Variants in AIM2 observed in about 807,000 individuals in gnomAD.
AIM2 encodes the protein interferon-inducible protein AIM2.
Under a neutral mutation model 27.7 loss-of-function variants are expected in AIM2, and 30 were observed. The observed-to-expected ratio is 1.08, with a 90% CI of 0.81 to 1.47. AIM2 has a LOEUF of 1.47. Ranked by LOEUF, AIM2 falls within the 40% of genes most tolerant of loss-of-function variation. AIM2 has a pLI of 0.00. For synonymous variants in AIM2, 141 were observed against 145.3 expected (o/e 0.97, Z 0.21); for missense variants, 358 against 411.3 (o/e 0.87, Z 1.12).
intron 1 of AIM2, among the ~76,000 whole-genome samples, chr1:159,117,233 A>G (rs1332155570): frequency 2.0e-5 from 3 of 152,172 alleles, no homozygotes; most frequent in Non-Finnish European, 4.4e-5. Context: ...ACGAGAGAGA[A>G]AGACACAGAG....
At chr1:159,100,805 C>G (rs1349135434) in intron 1 of AIM2, among the ~76,000 whole-genome samples, 1 of 152,192 alleles carries the variant, frequency 6.6e-6, no homozygotes, top group African/African-American at 2.4e-5. Flanking sequence ...TGTCAGCAGG[C>G]TAGTCATATC....
chr1:159,070,232 G>C (rs1282924196), intron 2 of AIM2, among the ~76,000 whole-genome samples: 1 of 152,134 alleles, frequency 6.6e-6, no homozygotes, highest in Admixed American at 6.5e-5. Context: ...TTTCCCTTTA[G>C]AGTATAAACT....
chr1:159,072,263 C>T (rs1656392929), intron 2 of AIM2, among the ~76,000 whole-genome samples: 1 of 152,154 alleles, frequency 6.6e-6, no homozygotes. Context: ...TAGAAACTAC[C>T]TAACAGTTTA....
At chr1:159,142,450 C>T (rs1648132079), upstream of AIM2, among the ~76,000 whole-genome samples, 1 of 152,034 alleles carries the variant, frequency 6.6e-6, no homozygotes, top group East Asian at 1.9e-4. Flanking sequence ...TGGGTGTGTA[C>T]ACATAGGGTT....
At chr1:159,111,831 C>CATCTATCTATCT (rs55915998) in intron 1 of AIM2, among the ~76,000 whole-genome samples, 36 of 137,664 alleles carry the variant, frequency 2.6e-4, no homozygotes, top group East Asian at 8.5e-4. Context: ...ATCTATCTAT[C>CATCTATCTATCT]ATCTATCTAT....
chr1:159,100,886 C>T (rs1384162107), intron 1 of AIM2, among the ~76,000 whole-genome samples: 2 of 152,156 alleles, frequency 1.3e-5, no homozygotes, highest in Non-Finnish European at 2.9e-5. Context: ...ATCTAAAGGG[C>T]ACTGAGGATG....
intron 3 of AIM2, among the ~76,000 whole-genome samples, chr1:159,067,672 C>A (rs1391668223): frequency 6.6e-6 from 1 of 152,174 alleles, no homozygotes; most frequent in African/African-American, 2.4e-5. Flanking sequence ...ACCATTTATA[C>A]TTGAACCTTG....
intron 1 of AIM2, among the ~76,000 whole-genome samples, chr1:159,105,462 T>C (rs1657418444): frequency 6.6e-6 from 1 of 152,328 alleles, no homozygotes; most frequent in East Asian, 1.9e-4. Context: ...AGTCTCACCA[T>C]TCAGCGGTCC....
At chr1:159,132,194 C>CAAAAAAAAAAAAAAAAAAAAA (rs71086905) in intron 1 of AIM2, 1 of 99,462 alleles carries the variant, frequency 1.0e-5, no homozygotes, top group Non-Finnish European at 2.0e-5. Context: ...CTAGAAATAC[C>CAAAAAAAAAAAAAAAAAAAAA]AAAAAAAAAA....
upstream of AIM2, among the ~76,000 whole-genome samples, chr1:159,143,734 C>T (rs1648155573): frequency 6.6e-6 from 1 of 152,086 alleles, no homozygotes; most frequent in South Asian, 2.1e-4. Flanking sequence ...TTGTCTACAA[C>T]CTGAATAAAG....
chr1:159,139,478 AC>A (rs973605855), intron 1 of AIM2, among the ~76,000 whole-genome samples: 4 of 152,202 alleles, frequency 2.6e-5, no homozygotes. Context: ...GTGCTGTACA[AC>A]AAACTTTTCA....
chr1:159,065,192 C>A (rs1277231073), intron 4 of AIM2, among the ~76,000 whole-genome samples: 2 of 152,112 alleles, frequency 1.3e-5, no homozygotes, highest in Admixed American at 6.5e-5. Context: ...AAAAGTCATC[C>A]CACAAGGCTA....
At chr1:159,068,835 A>T (rs1299923081) in intron 2 of AIM2, 134 bp from the exon 3 acceptor site, 28 of 987,286 alleles carry the variant, frequency 2.8e-5, no homozygotes, top group Middle Eastern at 6.5e-4. Context: ...TCTTAAAAAA[A>T]AATCATATTT....
At chr1:159,088,925 G>A (rs751338801) in intron 1 of AIM2, among the ~76,000 whole-genome samples, 1 of 152,146 alleles carries the variant, frequency 6.6e-6, no homozygotes, top group Non-Finnish European at 1.5e-5. Flanking sequence ...CCCAGTTTCA[G>A]GTATTCTGTT....
chr1:159,114,885 G>A (rs539597261), intron 1 of AIM2, among the ~76,000 whole-genome samples: 47 of 152,302 alleles, frequency 3.1e-4, no homozygotes, highest in African/African-American at 1.0e-3. Context: ...AAAAGAGGAC[G>A]TCAAATTGTC....
chr1:159,097,245 A>G lies in AIM2; in HGVS notation c.-15-30916T>C, dbSNP rs555523031. 4.6e-5 allele frequency among the ~76,000 whole-genome samples: 7 copies of G among 152,202 alleles called. No individual in the cohort carries two copies. The South Asian group carries it at 1.5e-3, about 32-fold the overall frequency. ...CTCAGGATGAAGCCCTTTCACATACATATTTTATGTCATTTTAACAATAAA... is the reference window on the plus strand; with the variant it reads ...CTCAGGATGAAGCCCTTTCACATACGTATTTTATGTCATTTTAACAATAAA... On this transcript the variant is annotated intron_variant, in intron 1 of 2. Coordinates refer to the AIM2 transcript ENST00000368129.
downstream of AIM2, among the ~76,000 whole-genome samples, chr1:159,057,591 T>C (rs1378575020): frequency 1.3e-5 from 2 of 152,186 alleles, no homozygotes. Context: ...GATTTTTACA[T>C]TACCCATACC....
At chr1:159,125,017 G>T (rs911594917) in intron 1 of AIM2, among the ~76,000 whole-genome samples, 1 of 152,188 alleles carries the variant, frequency 6.6e-6, no homozygotes, top group African/African-American at 2.4e-5. Flanking sequence ...AACTGGAGAG[G>T]TAAAGTGTCT....
At chr1:159,116,923 G>A (rs1410351713) in intron 1 of AIM2, among the ~76,000 whole-genome samples, 1 of 151,772 alleles carries the variant, frequency 6.6e-6, no homozygotes, top group Non-Finnish European at 1.5e-5. Context: ...GAAAATTCAA[G>A]AAGGAAAAGG....
Sources: gnomAD v4.1 joint callset for allele counts (sites outside exome capture counted in the v4.1 genomes callset) on GRCh38, gnomAD v4.1.1 for gene constraint, MANE v1.5 for transcripts, NCBI Gene and HGNC (gene_info 2026-07-23, HGNC 2026-07-21) for gene names.